CPT1B: variants seen among roughly 807,000 people sequenced by gnomAD.
CPT1B encodes carnitine O-palmitoyltransferase 1, muscle isoform.
CPT1B carries 57 observed loss-of-function variants against 92.7 expected under a neutral mutation model. The observed-to-expected ratio is 0.62, with a 90% CI of 0.50 to 0.77. CPT1B has a LOEUF of 0.77. Ranked by LOEUF, CPT1B falls within the 30% of genes least tolerant of loss-of-function variation. The probability of loss-of-function intolerance (pLI) is 0.00; values close to 1 mark genes in which losing one functional copy is unlikely to be tolerated. For missense variants in CPT1B, 983 were observed against 1,017.4 expected, an observed-to-expected ratio of 0.97 and a Z score of 0.46; for synonymous variants, 398 against 383.5, an observed-to-expected ratio of 1.04 and a Z score of -0.44.
chr22:50,570,110 G>C (rs1244895060), intron 17 of CPT1B, among the ~76,000 whole-genome samples, 183 bp downstream of exon 17: 1 of 152,192 alleles, frequency 6.6e-6, no homozygotes. Context: ...ATTTGGGATG[G>C]GTGGGTCCCA....
At position 50,577,392 on chromosome 22, in the gene CPT1B, A is replaced by T. The variant is rs376414726; in HGVS notation, c.213T>A (p.Gly71=). 1 of 1,613,904 alleles carries T rather than the reference A, an allele frequency of 6.2e-7. No individual in the cohort carries two copies. Among genetic ancestry groups the T allele is most frequent in the Non-Finnish European group, 8.5e-7 (1 of 1,179,986 alleles). Residue 71 remains glycine, a synonymous_variant, in exon 3 of 20, where the codon GGT becomes GGA. Transcript: ENST00000312108. ...AGATGTCCACGTTGCAGAAGGAGGA[A>T]CCCACTGTTGCCATGATGACGACCA... ...SWLVVIMATV[G]SSFCNVDISL...
intron 7 of CPT1B, 101 bp downstream of exon 7, chr22:50,575,934 C>A (rs779634641): frequency 2.7e-6 from 3 of 1,115,008 alleles, no homozygotes; most frequent in East Asian, 4.7e-5. Flanking sequence ...CACTTGCCCA[C>A]GGAAGCTGCT....
At chr22:50,575,635 C>T (rs961782841) in intron 7 of CPT1B, among the ~76,000 whole-genome samples, 6 of 152,190 alleles carry the variant, frequency 3.9e-5, no homozygotes, top group South Asian at 2.1e-4. Context: ...TTCTGCTGTC[C>T]GGCTCTGCAG....
intron 4 of CPT1B, 42 bp from the exon 5 acceptor site, chr22:50,576,679 A>T (rs775605816): frequency 5.6e-6 from 9 of 1,599,292 alleles, no homozygotes; most frequent in Non-Finnish European, 7.7e-6. Flanking sequence ...AGCCAGTGGA[A>T]AAAATGGAAA....
intron 7 of CPT1B, chr22:50,574,925 C>G: frequency 3.7e-6 from 1 of 271,876 alleles, no homozygotes; most frequent in Non-Finnish European, 7.0e-6. Flanking sequence ...GCTGCAGCCT[C>G]CTGAGTTGCA....
At chr22:50,570,862 C>A (rs780618790) in intron 16 of CPT1B, 29 bp downstream of exon 16, 1 of 1,606,990 alleles carries the variant, frequency 6.2e-7, no homozygotes, top group South Asian at 1.1e-5. Context: ...GGCAGTGGGA[C>A]AAAGGACACA....
At chr22:50,575,961 G>T in intron 7 of CPT1B, 74 bp downstream of exon 7, 2 of 1,427,162 alleles carry the variant, frequency 1.4e-6, no homozygotes, top group Non-Finnish European at 2.0e-6. Context: ...GCTCTGGGCT[G>T]TCCTCCAGAT....
intron 2 of CPT1B, 27 bp downstream of exon 2, chr22:50,577,748 C>T (rs768684892): frequency 5.0e-6 from 8 of 1,606,442 alleles, no homozygotes; most frequent in Admixed American, 3.3e-5. Context: ...CCTCTGCCTA[C>T]GCTCTGGGAG....
chr22:50,571,298 A>G lies in CPT1B; in HGVS notation c.1741-6T>C. Reference sequence around the variant, plus strand: ...AGGCAGAACTTACCCCTGTCCTGGGATATACAGAGGGGTGAATCTGGCAGG... The same window carrying G: ...AGGCAGAACTTACCCCTGTCCTGGGGTATACAGAGGGGTGAATCTGGCAGG... On this transcript the variant is annotated splice_polypyrimidine_tract_variant and splice_region_variant and intron_variant, in intron 14 of 19. Transcript: ENST00000312108. The G allele has an allele frequency of 6.2e-7, 1 of 1,613,724 alleles. No individual in the cohort carries two copies. The highest frequency in any genetic ancestry group is 1.1e-5 in the South Asian group (1 of 91,086).
At position 50,571,285 on chromosome 22, in the gene CPT1B, C is replaced by A. The variant is rs2070156379; in HGVS notation, c.1748G>T (p.Gly583Val). The change falls in exon 15 of 20, where the codon GGT (glycine) becomes GTT (valine). Residue 583 changes from glycine (G) to valine (V), a missense_variant. By Grantham distance (109) the Gly-to-Val change is moderately radical (BLOSUM62 -3). Transcript: ENST00000312108. ...ALQLAHFRDR[G>V]KFCLTYEASM... ...GGCCTCATAGGTCAGGCAGAACTTA[C>A]CCCTGTCCTGGGATATACAGAGGGG... is the stretch of plus-strand genomic sequence containing the variant. 1 of 1,613,840 alleles carries A rather than the reference C, an allele frequency of 6.2e-7. No homozygotes were observed. Among genetic ancestry groups the A allele is most frequent in the Non-Finnish European group, 8.5e-7 (1 of 1,180,028 alleles).
chr22:50,576,406 C>T, intron 5 of CPT1B, 71 bp from the exon 6 acceptor site: 1 of 1,608,196 alleles, frequency 6.2e-7, no homozygotes, highest in East Asian at 2.2e-5. Context: ...CTCTTCCCAC[C>T]TCTCCCTCCT....
chr22:50,571,134 C>T, intron 15 of CPT1B, 24 bp downstream of exon 15: 3 of 1,613,464 alleles, frequency 1.9e-6, no homozygotes, highest in Non-Finnish European at 2.5e-6. Flanking sequence ...GACTGTGACC[C>T]CCACATGGGC....
chr22:50,572,833 T>G, intron 11 of CPT1B, 42 bp downstream of exon 11: 1 of 1,580,452 alleles, frequency 6.3e-7, no homozygotes, highest in Non-Finnish European at 8.7e-7. Flanking sequence ...AACCCTAACT[T>G]TTAACCTTAA....
chr22:50,571,111 C>T (rs1456923119), intron 15 of CPT1B, 47 bp downstream of exon 15: 1 of 1,611,626 alleles, frequency 6.2e-7, no homozygotes, highest in Non-Finnish European at 8.5e-7. Flanking sequence ...GCAGAGGGGG[C>T]ACCTCACCCG....
At chr22:50,570,849 G>A (rs2070129957) in intron 16 of CPT1B, 42 bp downstream of exon 16, 2 of 1,599,252 alleles carry the variant, frequency 1.3e-6, no homozygotes, top group Admixed American at 1.7e-5. Flanking sequence ...CTGCGTGTAG[G>A]AGGGCAGTGG....
chr22:50,571,103 A>T (rs2070143981), intron 15 of CPT1B, 55 bp downstream of exon 15: 1 of 1,611,796 alleles, frequency 6.2e-7, no homozygotes, highest in Non-Finnish European at 8.5e-7. Context: ...GACAGGAGGC[A>T]GAGGGGGCAC....
At chr22:50,574,233 G>A in intron 9 of CPT1B, 102 bp downstream of exon 9, 1 of 904,220 alleles carries the variant, frequency 1.1e-6, no homozygotes, top group Admixed American at 2.0e-5. Context: ...ACTGTTCACA[G>A]TTTCAGGACC....
At chr22:50,571,853 A>T in intron 13 of CPT1B, 153 bp downstream of exon 13, 1 of 777,624 alleles carries the variant, frequency 1.3e-6, no homozygotes, top group South Asian at 1.6e-5. Flanking sequence ...GCCAGTTTGG[A>T]CTCTACAGGT....
Position 50,576,349 on chromosome 22 carries a change from TATC to T in CPT1B, c.562-17_562-15del, listed in dbSNP as rs779016235. ...AGACTCTAGGTACTGTCCAGCCAGT[TATC>T]ATCACCGTGGGGCCAGATGGCAAGG... is the stretch of plus-strand genomic sequence containing the variant. On this transcript the variant is annotated splice_polypyrimidine_tract_variant and intron_variant, in intron 5 of 19. Coordinates refer to ENST00000312108, the MANE Select transcript of CPT1B (RefSeq NM_152246.3). 1.2e-6 allele frequency: 2 copies of T among 1,613,980 alleles called. No homozygotes were observed. The highest frequency in any genetic ancestry group is 2.2e-5 in the South Asian group (2 of 91,086).
Sources: allele counts gnomAD v4.1 joint callset (sites outside exome capture counted in the v4.1 genomes callset), GRCh38; gene constraint gnomAD v4.1.1; transcripts MANE v1.5; gene names NCBI Gene and HGNC (gene_info 2026-07-23, HGNC 2026-07-21).